Variants in TCF4 observed in about 807,000 individuals in gnomAD.
TCF4 encodes SL3-3 enhancer factor 2.
Under a neutral mutation model 82.1 loss-of-function variants are expected in TCF4, and 3 were observed. The ratio of observed to expected loss-of-function variants is 0.04; its 90% CI spans 0.02 to 0.09. The LOEUF is 0.09. Ranked by LOEUF, TCF4 falls within the 10% of genes least tolerant of loss-of-function variation. TCF4 has a pLI of 1.00. For missense variants in TCF4, 518 were observed against 852.7 expected (o/e 0.61, Z 4.89); for synonymous variants, 276 against 309.6 (o/e 0.89, Z 1.14).
intron 8 of TCF4, among the ~76,000 whole-genome samples, chr18:55,337,287 A>G (rs1049336043): frequency 6.6e-6 from 1 of 152,152 alleles, no homozygotes; most frequent in Non-Finnish European, 1.5e-5. Context: ...CATCTTACTG[A>G]TATCTTATAT....
At chr18:55,532,123 C>G (rs544928519) in intron 3 of TCF4, among the ~76,000 whole-genome samples, 1 of 152,250 alleles carries the variant, frequency 6.6e-6, no homozygotes, top group African/African-American at 2.4e-5. Flanking sequence ...AGAAGTGGGT[C>G]ATTTTAAGCC....
Position 55,232,654 on chromosome 18 carries a change from G to C in TCF4, c.1504C>G (p.Gln502Glu). Reference protein sequence around the residue: ...DPYRGMPPGLQGQSVSSGSSE... With the variant: ...DPYRGMPPGLEGQSVSSGSSE... Reference sequence around the variant, plus strand: ...CTGCCAGAGGAGACACTCTGCCCCTGTAGTCCTGGTGGCATGCCTGCCGAA... The same window carrying C: ...CTGCCAGAGGAGACACTCTGCCCCTCTAGTCCTGGTGGCATGCCTGCCGAA... The change falls in exon 17 of 20, where the codon CAG (glutamine) becomes GAG (glutamate). Residue 502 changes from glutamine to glutamate, a missense_variant. This residue lies in a region of TCF4 where 144 missense variants were observed against 190.2 expected (regional missense o/e 0.76). Coordinates refer to ENST00000354452, the MANE Select transcript of TCF4 (RefSeq NM_001083962.2). The C allele has an allele frequency of 6.2e-7, 1 of 1,614,166 alleles. No individual in the cohort carries two copies. The highest frequency in any genetic ancestry group is 8.5e-7 in the Non-Finnish European group (1 of 1,180,020).
intron 10 of TCF4, among the ~76,000 whole-genome samples, chr18:55,271,885 AAAAG>A (rs1201102938): frequency 2.0e-5 from 3 of 152,094 alleles, no homozygotes; most frequent in African/African-American, 7.2e-5. Flanking sequence ...AAAGAACAAA[AAAAG>A]AGATGACTAA....
At chr18:55,562,415 T>TA (rs1278515620) in intron 3 of TCF4, among the ~76,000 whole-genome samples, 8 of 152,204 alleles carry the variant, frequency 5.3e-5, no homozygotes, top group Admixed American at 2.0e-4. Flanking sequence ...TTTAGCTTTA[T>TA]AAAATCAAAC....
intron 3 of TCF4, among the ~76,000 whole-genome samples, chr18:55,538,212 T>G (rs2097135962): frequency 6.6e-6 from 1 of 152,118 alleles, no homozygotes; most frequent in Admixed American, 6.5e-5. Flanking sequence ...ATAAAATCAA[T>G]GTGAAATGTA....
chr18:55,345,515 A>T (rs1276326632), intron 8 of TCF4, among the ~76,000 whole-genome samples: 1 of 152,168 alleles, frequency 6.6e-6, no homozygotes, highest in Non-Finnish European at 1.5e-5. Context: ...CCTAAACATT[A>T]ATAAGCACAA....
chr18:55,587,991 C>G, intron 1 of TCF4, 47 bp downstream of exon 1: 4 of 979,290 alleles, frequency 4.1e-6, no homozygotes, highest in Non-Finnish European at 4.8e-6. Context: ...AACCCCGCGC[C>G]GCCGGGCGCC....
intron 2 of TCF4, among the ~76,000 whole-genome samples, chr18:55,601,977 G>A (rs1399125230): frequency 4.6e-5 from 7 of 152,166 alleles, no homozygotes; most frequent in Non-Finnish European, 8.8e-5. Flanking sequence ...TTATGGCTCT[G>A]TGATTTTCTT....
rs140450084 is a variant in TCF4, at chr18:55,363,399, A to C, written c.370-12396T>G. Among the ~76,000 whole-genome samples the C allele has an allele frequency of 2.1e-3, 321 of 152,364 alleles. 2 individuals are homozygous for C. Among genetic ancestry groups the C allele is most frequent in the African/African-American group, 7.2e-3 (299 of 41,584 alleles). On this transcript the variant is annotated intron_variant, in intron 6 of 19. Coordinates refer to ENST00000354452, the MANE Select transcript of TCF4 (RefSeq NM_001083962.2). ...TTTAAATGCAAAGGTTAAAACATAA[A>C]AGCCTGAGAATAAAGTACAAGCAAT...
At chr18:55,241,966 T>C (rs2051381608) in intron 15 of TCF4, among the ~76,000 whole-genome samples, 1 of 152,208 alleles carries the variant, frequency 6.6e-6, no homozygotes, top group South Asian at 2.1e-4. Flanking sequence ...CTCCTATTTT[T>C]AAATTCCTCA....
At chr18:55,415,524 G>GTT (rs1490161893) in intron 5 of TCF4, among the ~76,000 whole-genome samples, 1 of 152,186 alleles carries the variant, frequency 6.6e-6, no homozygotes, top group East Asian at 1.9e-4. Flanking sequence ...AACTTATTTA[G>GTT]TACTAAGTCT....
chr18:55,261,604 T>C, intron 11 of TCF4, 71 bp from the exon 12 acceptor site: 2 of 1,527,194 alleles, frequency 1.3e-6, no homozygotes, highest in Non-Finnish European at 1.8e-6. Flanking sequence ...TCCTGGTCCA[T>C]TTACTCACAA....
Position 55,224,602 on chromosome 18 carries a change from A to C in TCF4, c.*3433T>G, listed in dbSNP as rs1183889946. On this transcript the variant is annotated 3_prime_UTR_variant, in exon 20 of 20. Transcript: ENST00000354452. ...CAAGTCTTGGTTCGACTCCCTCCCC[A>C]CTCCCCAACCCCTCATCAAAATCAA... 1 of 151,446 alleles carries C rather than the reference A, an allele frequency of 6.6e-6. No individual in the cohort carries two copies. The allele number at this position is 151,446 out of a possible 1,614,324, so 9.4% of individuals were successfully genotyped here.
intron 5 of TCF4, among the ~76,000 whole-genome samples, chr18:55,432,468 T>A (rs1454560796): frequency 6.6e-6 from 1 of 152,150 alleles, no homozygotes; most frequent in Non-Finnish European, 1.5e-5. Flanking sequence ...CTTTACCCTA[T>A]ACAACCTTGT....
At chr18:55,547,765 C>T (rs369965369) in intron 3 of TCF4, among the ~76,000 whole-genome samples, 2 of 152,186 alleles carry the variant, frequency 1.3e-5, no homozygotes, top group South Asian at 2.1e-4. Context: ...GTAAAATGCT[C>T]GCTTTGTGAC....
intron 5 of TCF4, chr18:55,452,539 A>T (rs1361079398): frequency 6.6e-6 from 1 of 152,374 alleles, no homozygotes; most frequent in Non-Finnish European, 1.5e-5. Flanking sequence ...GCAGCAGGAG[A>T]CACTGGGAGT....
At chr18:55,418,061 A>C (rs1026309812) in intron 5 of TCF4, among the ~76,000 whole-genome samples, 3 of 151,278 alleles carry the variant, frequency 2.0e-5, no homozygotes, top group Admixed American at 2.0e-4. Context: ...GTGTGTAGTA[A>C]TAGGTAGATT....
chr18:55,560,124 G>GCAA (rs1364729922), intron 3 of TCF4, among the ~76,000 whole-genome samples: 1 of 152,072 alleles, frequency 6.6e-6, no homozygotes, highest in Non-Finnish European at 1.5e-5. Flanking sequence ...AATATGTAAT[G>GCAA]CAACCCATCA....
chr18:55,549,078 A>G (rs2097234059), intron 3 of TCF4, among the ~76,000 whole-genome samples: 1 of 152,114 alleles, frequency 6.6e-6, no homozygotes, highest in Non-Finnish European at 1.5e-5. Context: ...AGGCAGGTGG[A>G]TCACTTGAGC....
Sources: allele counts gnomAD v4.1 joint callset (sites outside exome capture counted in the v4.1 genomes callset), GRCh38; gene constraint gnomAD v4.1.1; regional missense constraint gnomAD v4.1.1; transcripts MANE v1.5; gene names NCBI Gene and HGNC (gene_info 2026-07-23, HGNC 2026-07-21).